Variants in DRC8 observed in about 807,000 individuals in gnomAD.
DRC8 encodes dynein regulatory complex subunit 8.
the DRC8 span, among the ~76,000 whole-genome samples, chr1:244,995,361 C>G: frequency 7.2e-6 from 1 of 139,062 alleles, no homozygotes; most frequent in Non-Finnish European, 1.6e-5. Context: ...GACTCCATCT[C>G]AAAAAAAAAA....
chr1:245,039,951 T>A, the DRC8 span, among the ~76,000 whole-genome samples: 1 of 152,182 alleles, frequency 6.6e-6, no homozygotes, highest in East Asian at 1.9e-4. Context: ...GTCTGCCAGG[T>A]TTCCCCACAG....
the DRC8 span, among the ~76,000 whole-genome samples, chr1:245,120,095 T>A: frequency 2.6e-5 from 4 of 152,170 alleles, no homozygotes; most frequent in African/African-American, 9.7e-5. Context: ...TGACCTAATT[T>A]ATTTTTTTGA....
chr1:244,970,292 C>G, the DRC8 span: 51 of 714,564 alleles, frequency 7.1e-5, no homozygotes, highest in Non-Finnish European at 1.1e-4. Context: ...GCCCAAGGGT[C>G]TTCCTCCCCC....
the DRC8 span, among the ~76,000 whole-genome samples, chr1:245,072,960 C>T: frequency 1.3e-5 from 2 of 152,256 alleles, no homozygotes; most frequent in South Asian, 4.1e-4. Context: ...GATGTCAGCA[C>T]CATGCTTCCT....
chr1:245,079,712 G>A, the DRC8 span, among the ~76,000 whole-genome samples: 1 of 152,014 alleles, frequency 6.6e-6, no homozygotes, highest in Non-Finnish European at 1.5e-5. Context: ...TTTGTTGGTG[G>A]TGGGAGGAAA....
At chr1:245,001,339 T>C in the DRC8 span, among the ~76,000 whole-genome samples, 1 of 152,168 alleles carries the variant, frequency 6.6e-6, no homozygotes, top group Non-Finnish European at 1.5e-5. Flanking sequence ...TGGTGCTCTT[T>C]ATAAATGCCA....
chr1:244,972,548 C>T, the DRC8 span, among the ~76,000 whole-genome samples: 1 of 152,170 alleles, frequency 6.6e-6, no homozygotes, highest in Non-Finnish European at 1.5e-5. Context: ...AGGCCGGGCG[C>T]GGTGGCTCAC....
At chr1:245,064,928 C>T in the DRC8 span, among the ~76,000 whole-genome samples, 1 of 151,968 alleles carries the variant, frequency 6.6e-6, no homozygotes, top group African/African-American at 2.4e-5. Flanking sequence ...GTGTTAGGTA[C>T]CTGGTGGGCC....
At chr1:245,051,242 A>C in the DRC8 span, among the ~76,000 whole-genome samples, 1 of 151,742 alleles carries the variant, frequency 6.6e-6, no homozygotes, top group Admixed American at 6.6e-5. Flanking sequence ...AAAAAAAAAA[A>C]TCAGCTGGGC....
At chr1:244,969,763 C>T in the DRC8 span, 2 of 246,830 alleles carry the variant, frequency 8.1e-6, no homozygotes, top group Non-Finnish European at 1.5e-5. Flanking sequence ...CTTCGGTTGT[C>T]ATAGGCTGTG....
chr1:245,093,517 G>C, the DRC8 span, among the ~76,000 whole-genome samples: 1,058 of 152,036 alleles, frequency 7.0e-3, 9 homozygotes, highest in African/African-American at 0.024. Context: ...CAGGCAACAT[G>C]GTGAAACCCC....
At chr1:245,119,217 G>A in the DRC8 span, among the ~76,000 whole-genome samples, 5 of 152,192 alleles carry the variant, frequency 3.3e-5, no homozygotes, top group African/African-American at 1.2e-4. Context: ...ATGATTTTCA[G>A]TAAAATAATT....
chr1:245,101,702 G>C, the DRC8 span, among the ~76,000 whole-genome samples: 1 of 152,058 alleles, frequency 6.6e-6, no homozygotes. Context: ...ATACATAATA[G>C]ATGTACATGC....
At chr1:245,093,058 G>A in the DRC8 span, among the ~76,000 whole-genome samples, 2 of 152,126 alleles carry the variant, frequency 1.3e-5, no homozygotes, top group African/African-American at 4.8e-5. Flanking sequence ...AGGCAGAGAG[G>A]GAGAGAGAAA....
the DRC8 span, chr1:244,969,912 C>T: frequency 4.5e-6 from 2 of 446,692 alleles, no homozygotes; most frequent in East Asian, 3.6e-5. Context: ...GAGGCCGGGC[C>T]GCGGGCTGGT....
chr1:245,082,280 T>A, the DRC8 span: 2 of 861,226 alleles, frequency 2.3e-6, no homozygotes, highest in South Asian at 1.6e-5. Context: ...TGTCCTAAGG[T>A]GGCCTCCCTC....
the DRC8 span, chr1:245,124,461 C>T: frequency 1.3e-5 from 2 of 152,162 alleles, no homozygotes; most frequent in Non-Finnish European, 2.9e-5. Context: ...GTGAGCCATC[C>T]TCACAGGATT....
chr1:245,054,862 G>T, the DRC8 span, among the ~76,000 whole-genome samples: 1 of 152,186 alleles, frequency 6.6e-6, no homozygotes, highest in Non-Finnish European at 1.5e-5. Flanking sequence ...ATGGATGTTG[G>T]CACAAGACTT....
the DRC8 span, among the ~76,000 whole-genome samples, chr1:244,992,102 G>A: frequency 1.3e-5 from 2 of 152,182 alleles, no homozygotes; most frequent in African/African-American, 4.8e-5. Context: ...ATTGCACGCT[G>A]TTTTTAGGCT....
Sources: gnomAD v4.1 joint callset for allele counts (sites outside exome capture counted in the v4.1 genomes callset) on GRCh38, gnomAD v4.1.1 for gene constraint, MANE v1.5 for transcripts, NCBI Gene and HGNC (gene_info 2026-07-23, HGNC 2026-07-21) for gene names.